Variants in TPST1 observed in about 807,000 individuals in gnomAD.
The protein encoded by TPST1 is protein-tyrosine sulfotransferase 1.
Under a neutral mutation model 34.8 loss-of-function variants are expected in TPST1, and 20 were observed. That is an observed-to-expected ratio of 0.57 (90% confidence interval 0.40 to 0.84). The LOEUF (loss-of-function observed/expected upper bound fraction) is 0.84, where lower values mean the gene tolerates loss of function less well. Among genes scored for constraint, TPST1 ranks in the 40% least tolerant of loss-of-function variants. The probability of loss-of-function intolerance (pLI) is 0.00; values close to 1 mark genes in which losing one functional copy is unlikely to be tolerated. For synonymous variants in TPST1, 152 were observed against 159.4 expected, an observed-to-expected ratio of 0.95 and a Z score of 0.35; for missense variants, 353 against 455.5, an observed-to-expected ratio of 0.78 and a Z score of 2.05.
upstream of TPST1, among the ~76,000 whole-genome samples, chr7:66,202,362 T>C (rs1322266039): frequency 6.6e-6 from 1 of 152,188 alleles, no homozygotes; most frequent in Non-Finnish European, 1.5e-5. Context: ...CAGTGAGACA[T>C]CCTGCCGTAT....
At chr7:66,247,901 A>G (rs752807465) in intron 2 of TPST1, among the ~76,000 whole-genome samples, 15 of 152,204 alleles carry the variant, frequency 9.9e-5, no homozygotes, top group Admixed American at 2.0e-4. Flanking sequence ...TGCCTGACCT[A>G]TGGACCCTAC....
the TPST1 span, among the ~76,000 whole-genome samples, chr7:66,198,869 T>A: frequency 6.6e-6 from 1 of 152,288 alleles, no homozygotes; most frequent in East Asian, 1.9e-4. Flanking sequence ...ATCACCCTTT[T>A]CTTTCTGCCT....
chr7:66,335,658 G>A (rs1198766727), intron 3 of TPST1, among the ~76,000 whole-genome samples: 1 of 152,024 alleles, frequency 6.6e-6, no homozygotes, highest in African/African-American at 2.4e-5. Context: ...GGCAGGGCAA[G>A]TTAGTTCTGT....
intron 3 of TPST1, among the ~76,000 whole-genome samples, chr7:66,329,860 A>T (rs1445348704): frequency 6.6e-6 from 1 of 152,170 alleles, no homozygotes; most frequent in African/African-American, 2.4e-5. Flanking sequence ...AAAACCAAGT[A>T]CCTCATGTTC....
chr7:66,222,484 G>A (rs903931513), intron 1 of TPST1, among the ~76,000 whole-genome samples: 1 of 152,142 alleles, frequency 6.6e-6, no homozygotes, highest in Non-Finnish European at 1.5e-5. Context: ...TGATTTAAAG[G>A]AACTTAAATA....
rs60341796 is a variant in TPST1 at position 66,334,635 on chromosome 7, C to CAA, written c.1045-17855_1045-17854dup. 3.3e-4 allele frequency among the ~76,000 whole-genome samples: 37 copies of CAA among 112,762 alleles called. 3 individuals carry two copies. The highest frequency in any genetic ancestry group is 8.9e-4 in the African/African-American group (25 of 28,242). 74.0% of individuals were successfully genotyped at this position (112,762 alleles called of 152,430 possible). The stretch of plus-strand genomic sequence containing the variant: ...TGGGTGAAAGAGCGAGACTCCATCT[C>CAA]AAAAAAAAAAAAAAAAGTATTCAAA... On this transcript the variant is annotated intron_variant, in intron 3 of 5. Transcript: ENST00000304842.
intron 2 of TPST1, among the ~76,000 whole-genome samples, chr7:66,247,201 G>A (rs1395063535): frequency 1.3e-5 from 2 of 152,214 alleles, no homozygotes; most frequent in Non-Finnish European, 2.9e-5. Flanking sequence ...GCTGGGGTGG[G>A]CAGATCACCT....
At chr7:66,250,950 C>T (rs1326325055) in intron 2 of TPST1, among the ~76,000 whole-genome samples, 4 of 152,146 alleles carry the variant, frequency 2.6e-5, no homozygotes, top group African/African-American at 9.7e-5. Context: ...ACATCCCAGT[C>T]TAGACAGAGT....
intron 1 of TPST1, among the ~76,000 whole-genome samples, chr7:66,234,211 A>T (rs1015519878): frequency 1.3e-5 from 2 of 152,176 alleles, no homozygotes; most frequent in Non-Finnish European, 2.9e-5. Flanking sequence ...TGGCTTTTGC[A>T]TATCTACGTA....
chr7:66,247,546 C>T (rs1790173036), intron 2 of TPST1, among the ~76,000 whole-genome samples: 1 of 152,132 alleles, frequency 6.6e-6, no homozygotes, highest in Non-Finnish European at 1.5e-5. Context: ...AGAAGGGTTT[C>T]CTCAAGCTTG....
At chr7:66,336,320 A>AG (rs1168516675) in intron 3 of TPST1, among the ~76,000 whole-genome samples, 1 of 152,206 alleles carries the variant, frequency 6.6e-6, no homozygotes, top group Admixed American at 6.5e-5. Flanking sequence ...AAAAAAAAAA[A>AG]AAATGTTCAG....
intron 2 of TPST1, among the ~76,000 whole-genome samples, chr7:66,281,445 A>C (rs542942734): frequency 6.6e-6 from 1 of 152,222 alleles, no homozygotes; most frequent in East Asian, 1.9e-4. Context: ...TTGGTTATGA[A>C]TCCCTCCTGT....
At chr7:66,324,115 C>T (rs563119142) in intron 3 of TPST1, among the ~76,000 whole-genome samples, 49 of 152,266 alleles carry the variant, frequency 3.2e-4, no homozygotes, top group African/African-American at 1.1e-3. Flanking sequence ...AAGGATGAAA[C>T]TTCAAGACAC....
chr7:66,312,927 T>G (rs531474060), intron 3 of TPST1, among the ~76,000 whole-genome samples: 1 of 152,164 alleles, frequency 6.6e-6, no homozygotes, highest in South Asian at 2.1e-4. Flanking sequence ...AATGTGTCAT[T>G]GTGGAAGACT....
At chr7:66,209,059 G>C (rs921750515) in intron 1 of TPST1, among the ~76,000 whole-genome samples, 129 of 152,056 alleles carry the variant, frequency 8.5e-4, no homozygotes, top group African/African-American at 3.0e-3. Flanking sequence ...GAGGCAGACG[G>C]ATCAAGACCA....
At chr7:66,334,220 G>C (rs1402032881) in intron 3 of TPST1, among the ~76,000 whole-genome samples, 1 of 152,148 alleles carries the variant, frequency 6.6e-6, no homozygotes, top group African/African-American at 2.4e-5. Context: ...CTGCAGAAGA[G>C]ATAGATTCCC....
At chr7:66,300,269 AC>A (rs1314277252) in intron 3 of TPST1, among the ~76,000 whole-genome samples, 1 of 152,192 alleles carries the variant, frequency 6.6e-6, no homozygotes, top group African/African-American at 2.4e-5. Context: ...CAGCATCTTC[AC>A]CAGGAGTAGA....
intron 3 of TPST1, among the ~76,000 whole-genome samples, chr7:66,326,497 A>G (rs1791869654): frequency 6.6e-6 from 1 of 152,210 alleles, no homozygotes; most frequent in Non-Finnish European, 1.5e-5. Context: ...TGAAAACTTG[A>G]TTTGGGACTA....
intron 2 of TPST1, among the ~76,000 whole-genome samples, chr7:66,243,146 G>GGT (rs150715860): frequency 0.045 from 6,746 of 148,524 alleles, 204 homozygotes; most frequent in Middle Eastern, 0.1. Flanking sequence ...GATGACAAGG[G>GGT]GTGTGTGTGT....
Sources: allele counts gnomAD v4.1 joint callset (sites outside exome capture counted in the v4.1 genomes callset), GRCh38; gene constraint gnomAD v4.1.1; transcripts MANE v1.5; gene names NCBI Gene and HGNC (gene_info 2026-07-23, HGNC 2026-07-21).